Variants in GMPS observed in about 807,000 individuals in gnomAD.
GMPS encodes GMP synthase [glutamine-hydrolyzing].
In GMPS, 15 loss-of-function variants were observed where a neutral mutation model predicts 77.9. That is an observed-to-expected ratio of 0.19 (90% CI 0.13 to 0.30). The LOEUF is 0.30. Ranked by LOEUF, GMPS falls within the 10% of genes least tolerant of loss-of-function variation. The pLI is 1.00. For synonymous variants in GMPS, 224 were observed against 275.9 expected, an observed-to-expected ratio of 0.81 and a Z score of 1.86; for missense variants, 590 against 838.8, an observed-to-expected ratio of 0.70 and a Z score of 3.66.
chr3:155,896,004 T>C (rs1754592172), intron 2 of GMPS, among the ~76,000 whole-genome samples: 1 of 151,692 alleles, frequency 6.6e-6, no homozygotes, highest in South Asian at 2.1e-4. Flanking sequence ...GTTTTTTTTG[T>C]TTTTGTTTTT....
chr3:155,916,977 A>AT (rs35954197), intron 9 of GMPS, among the ~76,000 whole-genome samples: 31,328 of 143,960 alleles, frequency 0.22, 3,410 homozygotes, highest in South Asian at 0.26. Context: ...CTTAACTCTG[A>AT]TTTTTTTTTT....
chr3:155,873,112 A>G (rs1021522357), intron 1 of GMPS, among the ~76,000 whole-genome samples: 8 of 152,148 alleles, frequency 5.3e-5, no homozygotes, highest in Admixed American at 1.3e-4. Flanking sequence ...ATCTTAGTTC[A>G]TAAATTAAAA....
At chr3:155,875,761 C>T (rs986684094) in intron 1 of GMPS, among the ~76,000 whole-genome samples, 13 of 152,116 alleles carry the variant, frequency 8.5e-5, no homozygotes, top group African/African-American at 3.1e-4. Context: ...TGTATTTGCT[C>T]AAGAAGGACG....
rs573076210 is a variant in GMPS, at chr3:155,903,240, A to T, written c.325-623A>T. Among the ~76,000 whole-genome samples the T allele has an allele frequency of 2.0e-5, 3 of 152,308 alleles. 1 individual carries two copies. In the South Asian group the frequency reaches 6.2e-4, roughly 32 times the overall value. Reference sequence around the variant, plus strand: ...ATGGGAAGTTTGGAGCATGTAAATGATAAATAAGAAAAGAAGATTGATTAA... The same window carrying T: ...ATGGGAAGTTTGGAGCATGTAAATGTTAAATAAGAAAAGAAGATTGATTAA... On this transcript the variant is annotated intron_variant, in intron 3 of 15. Transcript: ENST00000496455.
intron 10 of GMPS, among the ~76,000 whole-genome samples, chr3:155,921,369 G>A (rs868263775): frequency 7.2e-5 from 11 of 152,158 alleles, no homozygotes; most frequent in Non-Finnish European, 1.3e-4. Context: ...GATAGTTGAA[G>A]CTGGATGATA....
chr3:155,915,173 T>C (rs1755142733), intron 8 of GMPS, among the ~76,000 whole-genome samples: 1 of 152,158 alleles, frequency 6.6e-6, no homozygotes, highest in East Asian at 1.9e-4. Context: ...TAGACTTTAA[T>C]TCATTGATTA....
intron 4 of GMPS, among the ~76,000 whole-genome samples, chr3:155,905,131 C>T (rs965794717): frequency 2.6e-5 from 4 of 151,944 alleles, no homozygotes; most frequent in Non-Finnish European, 4.4e-5. Context: ...AAGTGATTCT[C>T]CCACCTCAGT....
At chr3:155,908,373 G>A (rs1439104835) in intron 5 of GMPS, among the ~76,000 whole-genome samples, 1 of 152,242 alleles carries the variant, frequency 6.6e-6, no homozygotes, top group Non-Finnish European at 1.5e-5. Context: ...TTAACAGGAA[G>A]CCTTCTCACT....
Position 155,911,265 on chromosome 3 carries a change from G to A in GMPS, c.872G>A (p.Gly291Glu), listed in dbSNP as rs746128519. 1.7e-5 allele frequency: 28 copies of A among 1,607,112 alleles called. No individual in the cohort carries two copies. The South Asian group carries it at 2.8e-4, about 16-fold the overall frequency. ...GTTGAAGAGGCCCTCAAAAAGCTTG[G>A]AATTCAGGTCAAAGGTATTGAAGAA... ...QSVEEALKKLGIQVKVINAAH... is the reference protein window; with the variant it reads ...QSVEEALKKLEIQVKVINAAH... The change falls in exon 7 of 16, where the codon GGA becomes GAA. Residue 291 changes from glycine (G) to glutamate (E), a missense_variant. Physicochemically the swap from Gly to Glu is moderately conservative, Grantham distance 98. Transcript: ENST00000496455.
intron 1 of GMPS, among the ~76,000 whole-genome samples, chr3:155,888,033 A>C (rs1256427992): frequency 1.3e-5 from 2 of 152,160 alleles, no homozygotes; most frequent in Non-Finnish European, 2.9e-5. Flanking sequence ...ATGGCCTCTT[A>C]TGAAAAACCT....
At chr3:155,934,612 A>G (rs1433505220) in intron 13 of GMPS, among the ~76,000 whole-genome samples, 1 of 152,040 alleles carries the variant, frequency 6.6e-6, no homozygotes, top group Non-Finnish European at 1.5e-5. Context: ...TTTTGGGGAT[A>G]CTCTTCGACC....
At position 155,931,804 on chromosome 3, in the gene GMPS, A is replaced by G. The variant is rs200298589; in HGVS notation, c.1600A>G (p.Ser534Gly). Residue 534 changes from serine (S) to glycine (G), a missense_variant, in exon 13 of 16, where the codon AGT (serine) becomes GGT (glycine). Ser to Gly is a moderately conservative substitution (Grantham distance 56). Coordinates refer to ENST00000496455, the MANE Select transcript of GMPS (RefSeq NM_003875.3). ...CTACAGTTACGTGTGTGGAATCTCC[A>G]GTAAAGATGAACCTGACTGGGAATC... ...RSYSYVCGIS[S>G]KDEPDWESLI... 13 of 1,587,858 alleles carry G rather than the reference A, an allele frequency of 8.2e-6. No homozygotes were observed. The highest frequency in any genetic ancestry group is 9.5e-6 in the Non-Finnish European group (11 of 1,156,596).
intron 14 of GMPS, 48 bp downstream of exon 14, chr3:155,935,094 G>C: frequency 7.3e-7 from 1 of 1,374,810 alleles, no homozygotes; most frequent in Non-Finnish European, 1.0e-6. Context: ...CTAGTTTTTG[G>C]AAGCTTGATA....
At chr3:155,880,040 C>G (rs572992655) in intron 1 of GMPS, among the ~76,000 whole-genome samples, 14 of 151,228 alleles carry the variant, frequency 9.3e-5, no homozygotes, top group Admixed American at 7.2e-4. Context: ...TTTACACTTT[C>G]TTAATGGTGT....
chr3:155,925,288 T>C lies in GMPS; in HGVS notation c.1482T>C (p.Asp494=). ...TCAAAGCCTGCACAACAGAAGAGGA[T>C]CAGGAGAAGCTGATGCAAATTACCA... is the stretch of plus-strand genomic sequence containing the variant. ...QRVKACTTEE[D]QEKLMQITSL... Residue 494 remains aspartate, a synonymous_variant, in exon 12 of 16, where the codon GAT becomes GAC. Transcript: ENST00000496455. The C allele has an allele frequency of 6.2e-7, 1 of 1,612,582 alleles. No homozygotes were observed. Among genetic ancestry groups the C allele is most frequent in the Non-Finnish European group, 8.5e-7 (1 of 1,178,624 alleles).
At chr3:155,887,532 G>T (rs976487222) in intron 1 of GMPS, among the ~76,000 whole-genome samples, 1 of 152,210 alleles carries the variant, frequency 6.6e-6, no homozygotes, top group Admixed American at 6.5e-5. Flanking sequence ...CTATAAAAAG[G>T]TGAGGAGGTG....
rs997237813 is a variant in GMPS at position 155,938,021 on chromosome 3, A to C, written c.*329A>C. ...AAGGTGGGTGAATTTGGGGGTAATTATGGGCTTCTGTCTCCTTACCAGTTT... is the reference window on the plus strand; with the variant it reads ...AAGGTGGGTGAATTTGGGGGTAATTCTGGGCTTCTGTCTCCTTACCAGTTT... On this transcript the variant is annotated 3_prime_UTR_variant, in exon 16 of 16. Transcript: ENST00000496455. 3.9e-6 allele frequency: 1 copy of C among 259,140 alleles called. No homozygotes were observed. Among genetic ancestry groups the C allele is most frequent in the African/African-American group, 2.2e-5 (1 of 46,122 alleles). 16.1% of individuals were successfully genotyped at this position (259,140 alleles called of 1,614,324 possible). A position where few individuals can be genotyped will look rare whatever the true frequency, so the allele number is the denominator to read the frequency against.
intron 14 of GMPS, among the ~76,000 whole-genome samples, chr3:155,935,645 C>T (rs2108151621): frequency 6.6e-6 from 1 of 152,330 alleles, no homozygotes; most frequent in African/African-American, 2.4e-5. Flanking sequence ...GTTTTCAGCT[C>T]TCATAATGTG....
In GMPS at chr3:155,934,976, C is replaced by G; in HGVS notation, c.1737C>G (p.Phe579Leu). 1 of 1,593,122 alleles carries G rather than the reference C, an allele frequency of 6.3e-7. No individual in the cohort carries two copies. The highest frequency in any genetic ancestry group is 8.6e-7 in the Non-Finnish European group (1 of 1,161,162). Residue 579 changes from phenylalanine (F) to leucine (L), a missense_variant, in exon 14 of 16, where the codon TTC (phenylalanine) becomes TTG (leucine). Transcript: ENST00000496455. ...CTCCTACAGATGTTACTCCCACTTTCTTGACAACAGGGGTGCTCAGTACTT... is the reference window on the plus strand; with the variant it reads ...CTCCTACAGATGTTACTCCCACTTTGTTGACAACAGGGGTGCTCAGTACTT... Reference protein sequence around the residue: ...KEPPTDVTPTFLTTGVLSTLR... With the variant: ...KEPPTDVTPTLLTTGVLSTLR...
Sources: allele counts gnomAD v4.1 joint callset (sites outside exome capture counted in the v4.1 genomes callset), GRCh38; gene constraint gnomAD v4.1.1; transcripts MANE v1.5; gene names NCBI Gene and HGNC (gene_info 2026-07-23, HGNC 2026-07-21).